RFX2: variants seen among roughly 807,000 people sequenced by gnomAD.
The protein encoded by RFX2 is DNA-binding protein RFX2.
RFX2 carries 20 observed loss-of-function variants against 87.8 expected under a neutral mutation model. That is an observed-to-expected ratio of 0.23 (90% CI 0.16 to 0.33). RFX2 has a LOEUF of 0.33. Among genes scored for constraint, RFX2 ranks in the 10% least tolerant of loss-of-function variants. RFX2 has a pLI of 1.00. For missense variants in RFX2, 767 were observed against 1,012.3 expected (o/e 0.76, Z 3.29); for synonymous variants, 397 against 431.3 (o/e 0.92, Z 0.98).
chr19:6,005,236 A>G (rs1481131165), intron 12 of RFX2, among the ~76,000 whole-genome samples: 1 of 152,258 alleles, frequency 6.6e-6, no homozygotes, highest in Non-Finnish European at 1.5e-5. Context: ...GCCAGGCCAA[A>G]TGAGAAATGC....
Position 5,993,998 on chromosome 19 carries a change from T to C in RFX2, c.*837A>G, listed in dbSNP as rs1599828741. 6.6e-6 allele frequency: 1 copy of C among 152,232 alleles called. No individual in the cohort carries two copies. The highest frequency in any genetic ancestry group is 6.5e-5 in the Admixed American group (1 of 15,292). The allele number at this position is 152,232 out of a possible 1,614,324, so 9.4% of individuals were successfully genotyped here. On this transcript the variant is annotated 3_prime_UTR_variant, in exon 18 of 18. Transcript: ENST00000303657. ...CCTTCCACAGCCAGTGGCTTGATGGTGACGGTGAACTTGGACAGAGTCCCA... is the reference window on the plus strand; with the variant it reads ...CCTTCCACAGCCAGTGGCTTGATGGCGACGGTGAACTTGGACAGAGTCCCA...
Position 6,101,098 on chromosome 19 carries a change from G to A in RFX2, c.-9+9295C>T, listed in dbSNP as rs541888171. Among the ~76,000 whole-genome samples the A allele has an allele frequency of 9.9e-4, 150 of 152,188 alleles. No individual in the cohort carries two copies. Among genetic ancestry groups the A allele is most frequent in the Non-Finnish European group, 1.7e-3 (116 of 68,014 alleles). On this transcript the variant is annotated intron_variant, in intron 1 of 17. Transcript: ENST00000303657. The surrounding 1 kb of genome is among the most constrained non-coding windows in gnomAD (Gnocchi z 4.9). ...CTCCCCTCTCAACTGTCCACATGAC[G>A]ATATATTAATACACGTAAATGCTTA...
chr19:6,035,260 A>G (rs1274512620), intron 5 of RFX2, among the ~76,000 whole-genome samples: 1 of 152,118 alleles, frequency 6.6e-6, no homozygotes, highest in African/African-American at 2.4e-5. Flanking sequence ...GGCTGCTCCC[A>G]GGGTGGAGGG....
chr19:6,004,933 A>G lies in RFX2; in HGVS notation c.1403-635T>C, dbSNP rs1160625620. 6.6e-6 allele frequency among the ~76,000 whole-genome samples: 1 copy of G among 152,136 alleles called. No individual in the cohort carries two copies. Among genetic ancestry groups the G allele is most frequent in the Non-Finnish European group, 1.5e-5 (1 of 68,018 alleles). ...CCGGAGTTCGAGACCAGCCTGGCCA[A>G]CATGGTGAAACCCTATCTCTACTAA... On this transcript the variant is annotated intron_variant, in intron 12 of 17. Coordinates refer to ENST00000303657, the MANE Select transcript of RFX2 (RefSeq NM_000635.4). This position sits in a 1 kb window ranked among gnomAD's most constrained non-coding sequence, Gnocchi z 4.8.
chr19:6,072,997 T>A (rs2087631195), intron 1 of RFX2: 8 of 564,578 alleles, frequency 1.4e-5, no homozygotes, highest in South Asian at 1.2e-4. Flanking sequence ...TTTTCTTTTT[T>A]GAGACAGAGT....
chr19:6,059,710 A>G (rs1184639151), intron 1 of RFX2, among the ~76,000 whole-genome samples: 1 of 152,046 alleles, frequency 6.6e-6, no homozygotes, highest in Admixed American at 6.6e-5. Flanking sequence ...CATATACACA[A>G]ATATACATGG....
chr19:6,100,627 G>A (rs1429525828), intron 1 of RFX2, among the ~76,000 whole-genome samples: 2 of 152,122 alleles, frequency 1.3e-5, no homozygotes, highest in East Asian at 3.9e-4. Context: ...CACGTAAATC[G>A]GAGGAAGGTG....
chr19:6,019,546 A>G (rs61460442), intron 6 of RFX2, among the ~76,000 whole-genome samples: 10,837 of 78,256 alleles, frequency 0.14, 790 homozygotes, highest in African/African-American at 0.37. Flanking sequence ...GTGTGTGTGT[A>G]TATACTTTTA....
At chr19:6,053,852 A>G (rs1170116949) in intron 1 of RFX2, among the ~76,000 whole-genome samples, 1 of 147,538 alleles carries the variant, frequency 6.8e-6, no homozygotes, top group African/African-American at 2.5e-5. Context: ...GCTACTCAGG[A>G]GGCTGAGGTG....
At chr19:6,091,229 T>G (rs2087929943) in intron 1 of RFX2, among the ~76,000 whole-genome samples, 1 of 152,174 alleles carries the variant, frequency 6.6e-6, no homozygotes, top group South Asian at 2.1e-4. Context: ...TGGTGGCGCA[T>G]GCCTGTAAAC....
chr19:6,105,958 G>A (rs1280602625), intron 1 of RFX2, among the ~76,000 whole-genome samples: 1 of 152,090 alleles, frequency 6.6e-6, no homozygotes, highest in Non-Finnish European at 1.5e-5. Flanking sequence ...GCAGGCAGCT[G>A]GATAGATGTT....
intron 3 of RFX2, among the ~76,000 whole-genome samples, chr19:6,042,424 C>T (rs956528674): frequency 1.3e-5 from 2 of 152,182 alleles, no homozygotes; most frequent in Non-Finnish European, 2.9e-5. Context: ...TGACAACGCT[C>T]CTCCAGTGCA....
chr19:6,036,449 G>GTCA (rs980805147), intron 5 of RFX2, among the ~76,000 whole-genome samples: 25 of 152,278 alleles, frequency 1.6e-4, no homozygotes, highest in African/African-American at 5.5e-4. Flanking sequence ...GATTCATGGG[G>GTCA]CCTCTCTGAT....
intron 1 of RFX2, among the ~76,000 whole-genome samples, chr19:6,048,834 G>T (rs1050556657): frequency 6.6e-6 from 1 of 152,174 alleles, no homozygotes; most frequent in Non-Finnish European, 1.5e-5. Flanking sequence ...AATCCCATCT[G>T]TATTGTTGGG....
intron 1 of RFX2, among the ~76,000 whole-genome samples, chr19:6,084,040 G>A (rs1032588812): frequency 6.6e-6 from 1 of 152,246 alleles, no homozygotes; most frequent in Non-Finnish European, 1.5e-5. Context: ...GAGAAGACCG[G>A]ATATGGGAGT....
rs2087085822 is a variant in RFX2 at position 6,040,085 on chromosome 19, G to A, written c.417C>T (p.Val139=). The change falls in exon 5 of 18, where the codon GTC becomes GTT. Residue 139 remains valine (V), a synonymous_variant. Coordinates refer to ENST00000303657, the MANE Select transcript of RFX2 (RefSeq NM_000635.4). The surrounding 1 kb of genome is among the most constrained non-coding windows in gnomAD (Gnocchi z 6.1). ...CGCTGGAGACGATGGGGCTCCCCCC[G>A]ACATCCATGGTGATGCCCACCATGC... ...SHSMVGITMD[V]GGSPIVSSAG... is the part of the protein sequence containing the mutation. The A allele has an allele frequency of 1.2e-6, 2 of 1,612,090 alleles. No individual in the cohort carries two copies. The highest frequency in any genetic ancestry group is 1.7e-5 in the Admixed American group (1 of 59,968).
At position 6,110,457 on chromosome 19, in the gene RFX2, G is replaced by C. The variant is rs1412265792; in HGVS notation, c.-73C>G. The C allele has an allele frequency of 1.3e-5, 2 of 153,482 alleles. No homozygotes were observed. The allele number at this position is 153,482 out of a possible 1,614,324, so 9.5% of individuals were successfully genotyped here. On this transcript the variant is annotated 5_prime_UTR_variant, in exon 1 of 18. Coordinates refer to ENST00000303657, the MANE Select transcript of RFX2 (RefSeq NM_000635.4). This position sits in a 1 kb window ranked among gnomAD's most constrained non-coding sequence, Gnocchi z 4.3. ...GCGGCGGCAGCGGCTGCTGCGTGTT[G>C]GTCCCCGTTGGTAAGTAACAGTCTC...
At chr19:6,071,147 A>G (rs552447288) in intron 1 of RFX2, among the ~76,000 whole-genome samples, 4 of 152,386 alleles carry the variant, frequency 2.6e-5, no homozygotes, top group Admixed American at 2.6e-4. Context: ...ACGTACAAAC[A>G]TGCATCCTTA....
Position 6,017,241 on chromosome 19 carries a change from C to T in RFX2, c.598-970G>A, listed in dbSNP as rs188533626. ...GCAAGACTTCGTCTCTTTCAAAAAA[C>T]GAAACAAAACAAAAAGATGGGCTAA... On this transcript the variant is annotated intron_variant, in intron 6 of 17. Transcript: ENST00000303657. The surrounding 1 kb of genome is among the most constrained non-coding windows in gnomAD (Gnocchi z 4.1). 1.5e-3 allele frequency among the ~76,000 whole-genome samples: 233 copies of T among 152,218 alleles called. No homozygotes were observed. The highest frequency in any genetic ancestry group is 2.4e-3 in the Non-Finnish European group (161 of 68,002).
Sources: allele counts gnomAD v4.1 joint callset (sites outside exome capture counted in the v4.1 genomes callset), GRCh38; gene constraint gnomAD v4.1.1; non-coding constraint Gnocchi (gnomAD v3.1); transcripts MANE v1.5; gene names NCBI Gene and HGNC (gene_info 2026-07-23, HGNC 2026-07-21).